The following GTF2H1 variants were observed in gnomAD, a reference collection of about 807,000 sequenced individuals.
GTF2H1 encodes BTF2 p62.
In GTF2H1, 16 loss-of-function variants were observed where a neutral mutation model predicts 71.2. The observed-to-expected ratio is 0.22, with a 90% CI of 0.15 to 0.34. The LOEUF (loss-of-function observed/expected upper bound fraction) is 0.34, where lower values mean the gene tolerates loss of function less well. Ranked by LOEUF, GTF2H1 falls within the 10% of genes least tolerant of loss-of-function variation. GTF2H1 has a pLI of 1.00. For missense variants in GTF2H1, 498 were observed against 648.2 expected, an observed-to-expected ratio of 0.77 and a Z score of 2.52; for synonymous variants, 215 against 219.0, an observed-to-expected ratio of 0.98 and a Z score of 0.16.
chr11:18,332,363 C>T (rs2133956891), intron 1 of GTF2H1, among the ~76,000 whole-genome samples: 1 of 152,310 alleles, frequency 6.6e-6, no homozygotes, highest in East Asian at 1.9e-4. Flanking sequence ...CAGACAGCCA[C>T]ACTCAAGCCT....
At chr11:18,344,391 G>T (rs4150631) in intron 7 of GTF2H1, among the ~76,000 whole-genome samples, 14 of 151,984 alleles carry the variant, frequency 9.2e-5, no homozygotes, top group Non-Finnish European at 1.6e-4. Flanking sequence ...CGCCAAGGTG[G>T]GTGGATCACC....
At chr11:18,333,955 G>T (rs1264033741) in intron 2 of GTF2H1, among the ~76,000 whole-genome samples, 2 of 152,146 alleles carry the variant, frequency 1.3e-5, no homozygotes. Flanking sequence ...TAAATTTCAG[G>T]CATGGGCTAG....
intron 1 of GTF2H1, among the ~76,000 whole-genome samples, chr11:18,332,194 A>G (rs185145815): frequency 6.6e-6 from 1 of 152,172 alleles, no homozygotes; most frequent in Non-Finnish European, 1.5e-5. Flanking sequence ...CCCAGGGCAA[A>G]CGTAATTGTT....
chr11:18,344,898 T>A (rs1473413778), intron 7 of GTF2H1, among the ~76,000 whole-genome samples: 1 of 152,148 alleles, frequency 6.6e-6, no homozygotes, highest in African/African-American at 2.4e-5. Context: ...TGCCTATCTT[T>A]AGATACCTGT....
chr11:18,354,971 G>A (rs897511544), intron 11 of GTF2H1, among the ~76,000 whole-genome samples: 2 of 151,676 alleles, frequency 1.3e-5, no homozygotes, highest in Non-Finnish European at 2.9e-5. Flanking sequence ...ACCATGCCTG[G>A]CAAAGTTTTT....
chr11:18,356,005 A>AAG (rs1295604185), intron 11 of GTF2H1, among the ~76,000 whole-genome samples: 1 of 152,124 alleles, frequency 6.6e-6, no homozygotes. Context: ...ATGGTATAGT[A>AAG]AGATAGATGT....
chr11:18,335,189 A>G (rs1301148667), intron 2 of GTF2H1, among the ~76,000 whole-genome samples: 1 of 152,234 alleles, frequency 6.6e-6, no homozygotes, highest in Non-Finnish European at 1.5e-5. Flanking sequence ...AATAACATAC[A>G]TAGTGACATT....
At chr11:18,329,154 A>G (rs1864838137) in intron 1 of GTF2H1, among the ~76,000 whole-genome samples, 1 of 129,964 alleles carries the variant, frequency 7.7e-6, no homozygotes, top group Admixed American at 8.5e-5. Context: ...AAAAATGAGG[A>G]AAATTGATGT....
chr11:18,336,844 T>C (rs1865040273), intron 3 of GTF2H1, among the ~76,000 whole-genome samples: 1 of 151,040 alleles, frequency 6.6e-6, no homozygotes, highest in African/African-American at 2.4e-5. Context: ...AACCTCCACC[T>C]CCTGGGTTCA....
At chr11:18,323,722 G>T (rs1420902038) in intron 1 of GTF2H1, among the ~76,000 whole-genome samples, 1 of 152,180 alleles carries the variant, frequency 6.6e-6, no homozygotes, top group African/African-American at 2.4e-5. Context: ...AAAGCAGCAT[G>T]CTCTGGTGGA....
chr11:18,351,160 G>C (rs1428616859), intron 9 of GTF2H1, among the ~76,000 whole-genome samples: 2 of 152,072 alleles, frequency 1.3e-5, no homozygotes. Flanking sequence ...GAGCATGGTA[G>C]CATGTGTCTG....
intron 13 of GTF2H1, among the ~76,000 whole-genome samples, 173 bp downstream of exon 13, chr11:18,358,813 A>G (rs1291100353): frequency 6.6e-6 from 1 of 152,208 alleles, no homozygotes; most frequent in Non-Finnish European, 1.5e-5. Context: ...ATTGGTACCC[A>G]TTTTATAGAT....
chr11:18,365,645 C>CT (rs1865806423), intron 14 of GTF2H1, 138 bp from the exon 15 acceptor site: 1 of 631,770 alleles, frequency 1.6e-6, no homozygotes, highest in African/African-American at 1.8e-5. Flanking sequence ...TCTCAGAGGG[C>CT]TTGCACATTA....
At chr11:18,340,303 A>G (rs1157888271) in intron 5 of GTF2H1, among the ~76,000 whole-genome samples, 1 of 151,052 alleles carries the variant, frequency 6.6e-6, no homozygotes. Context: ...TTTTTTTTTA[A>G]TTGAGACAGA....
At chr11:18,341,056 GTTTGTAA>G (rs1369580922) in intron 5 of GTF2H1, among the ~76,000 whole-genome samples, 198 bp from the exon 6 acceptor site, 2 of 152,228 alleles carry the variant, frequency 1.3e-5, no homozygotes, top group South Asian at 4.1e-4. Flanking sequence ...ATAAGGTTTT[GTTTGTAA>G]TTTGTAAGAT....
intron 1 of GTF2H1, among the ~76,000 whole-genome samples, chr11:18,330,570 T>G (rs574483533): frequency 5.3e-4 from 80 of 152,310 alleles, no homozygotes; most frequent in Non-Finnish European, 1.0e-3. Flanking sequence ...CACAGGAAGA[T>G]TGTGAATTAT....
At chr11:18,332,867 T>G in intron 1 of GTF2H1, 193 bp from the exon 2 acceptor site, 1 of 446,692 alleles carries the variant, frequency 2.2e-6, no homozygotes, top group Non-Finnish European at 4.0e-6. Context: ...ATGAGCAAAA[T>G]GAAATTTAAT....
At position 18,347,703 on chromosome 11, in the gene GTF2H1, G is replaced by A. The variant is rs766724953; in HGVS notation, c.953G>A (p.Gly318Glu). ...NHHSAMVLAA[G>E]LRKQEAQNEQ... ...CACAGTGCCATGGTCCTGGCAGCTG[G>A]ACTCAGAAAACAGTTAAGTATAAAT... The change falls in exon 8 of 15, where the codon GGA becomes GAA. Residue 318 changes from glycine (G) to glutamate (E), a missense_variant. Transcript: ENST00000265963. 3.7e-6 allele frequency: 6 copies of A among 1,613,558 alleles called. No homozygotes were observed. Among genetic ancestry groups the A allele is most frequent in the Non-Finnish European group, 4.2e-6 (5 of 1,179,846 alleles).
intron 11 of GTF2H1, among the ~76,000 whole-genome samples, chr11:18,356,245 G>T (rs1001436925): frequency 1.5e-4 from 23 of 152,040 alleles, no homozygotes; most frequent in African/African-American, 5.3e-4. Context: ...GGGTATGGTG[G>T]TGCGTACCTG....
Sources: gnomAD v4.1 joint callset for allele counts (sites outside exome capture counted in the v4.1 genomes callset) on GRCh38, gnomAD v4.1.1 for gene constraint, MANE v1.5 for transcripts, NCBI Gene and HGNC (gene_info 2026-07-23, HGNC 2026-07-21) for gene names.